Variants in NHSL1 observed in about 807,000 individuals in gnomAD.
NHSL1 encodes NHS like 1, also known as NHS-like protein 1.
NHSL1 carries 48 observed loss-of-function variants against 95.0 expected under a neutral mutation model. The ratio of observed to expected loss-of-function variants is 0.51; its 90% confidence interval spans 0.40 to 0.64. The LOEUF (loss-of-function observed/expected upper bound fraction) is 0.64, where lower values mean the gene tolerates loss of function less well. NHSL1 is among the 30% of genes least tolerant of loss of function. NHSL1 has a pLI of 0.00. For synonymous variants in NHSL1, 783 were observed against 833.9 expected, an observed-to-expected ratio of 0.94 and a Z score of 1.05; for missense variants, 1,971 against 2,077.7, an observed-to-expected ratio of 0.95 and a Z score of 1.00.
chr6:138,552,704 C>A (rs1488615266), intron 1 of NHSL1, among the ~76,000 whole-genome samples: 2 of 152,130 alleles, frequency 1.3e-5, no homozygotes, highest in Non-Finnish European at 2.9e-5. Context: ...TTGACCTGGG[C>A]TCTTGGCTTA....
Position 138,630,332 on chromosome 6 carries a change from G to T in NHSL1, c.96+62144C>A, listed in dbSNP as rs181113080. 4.6e-3 allele frequency among the ~76,000 whole-genome samples: 695 copies of T among 152,130 alleles called. 5 individuals are homozygous for T. Among genetic ancestry groups the T allele is most frequent in the African/African-American group, 0.016 (652 of 41,482 alleles). ...ACCCTTGGATGAATATCTAAATGTG[G>T]TTTTTTTCAATATGCTTTAAAGGAA... On this transcript the variant is annotated intron_variant, in intron 1 of 3. Coordinates refer to the NHSL1 transcript ENST00000491526.
At chr6:138,473,481 A>ACTC in intron 2 of NHSL1, 48 bp from the exon 3 acceptor site, 1 of 1,355,554 alleles carries the variant, frequency 7.4e-7, no homozygotes, top group South Asian at 2.1e-5. Context: ...AAAAAGCTGT[A>ACTC]CTCCTCTTTA....
intron 1 of NHSL1, among the ~76,000 whole-genome samples, chr6:138,615,155 G>T (rs1317506036): frequency 6.6e-6 from 1 of 152,330 alleles, no homozygotes; most frequent in African/African-American, 2.4e-5. Context: ...AGCAGGGCGT[G>T]AGCCAGGTCA....
rs1311836868 is a variant in NHSL1, at chr6:138,433,158, A to G, written c.1187T>C (p.Met396Thr). 9.0e-6 allele frequency: 14 copies of G among 1,551,288 alleles called. No individual in the cohort carries two copies. Among genetic ancestry groups the G allele is most frequent in the African/African-American group, 1.4e-5 (1 of 73,034 alleles). Reference protein sequence around the residue: ...ELRHFESENIMSPACVVSPHA... With the variant: ...ELRHFESENITSPACVVSPHA... Reference sequence around the variant, plus strand: ...AGGAGAAACCACACACGCTGGGCTCATTATATTTTCACTCTCGAAGTGTCT... The same window carrying G: ...AGGAGAAACCACACACGCTGGGCTCGTTATATTTTCACTCTCGAAGTGTCT... The change falls in exon 6 of 8, where the codon ATG becomes ACG. Residue 396 changes from methionine (M) to threonine (T), a missense_variant. Physicochemically the swap from Met to Thr is moderately conservative, Grantham distance 81. Transcript: ENST00000343505.
chr6:138,687,844 G>A (rs1785605757), intron 1 of NHSL1, among the ~76,000 whole-genome samples: 1 of 147,698 alleles, frequency 6.8e-6, no homozygotes, highest in South Asian at 2.1e-4. Flanking sequence ...CAGGAAATGG[G>A]GAATAACTAG....
intron 2 of NHSL1, among the ~76,000 whole-genome samples, chr6:138,481,940 G>C (rs1485465613): frequency 6.6e-6 from 1 of 152,122 alleles, no homozygotes; most frequent in Non-Finnish European, 1.5e-5. Flanking sequence ...TGTCTTTAAC[G>C]AGTAAGCCCA....
chr6:138,677,833 G>C (rs1385145876), intron 1 of NHSL1, among the ~76,000 whole-genome samples: 2 of 152,228 alleles, frequency 1.3e-5, no homozygotes, highest in South Asian at 4.1e-4. Context: ...TTCTGATTTA[G>C]TAGGTCTGTG....
At chr6:138,663,003 A>C (rs1785245567) in intron 1 of NHSL1, among the ~76,000 whole-genome samples, 1 of 151,578 alleles carries the variant, frequency 6.6e-6, no homozygotes, top group Non-Finnish European at 1.5e-5. Flanking sequence ...ATCCATTTTC[A>C]GGAAATAATA....
chr6:138,493,471 A>C (rs1313412889), intron 2 of NHSL1, among the ~76,000 whole-genome samples: 1 of 152,272 alleles, frequency 6.6e-6, no homozygotes, highest in Non-Finnish European at 1.5e-5. Context: ...AGAAAAGTCA[A>C]GTCCTGATCT....
chr6:138,436,969 T>G (rs1274416851), intron 5 of NHSL1, among the ~76,000 whole-genome samples: 1 of 152,130 alleles, frequency 6.6e-6, no homozygotes, highest in Non-Finnish European at 1.5e-5. Flanking sequence ...AAAAGATTTC[T>G]TTCATTTACA....
rs56326954 is a variant in NHSL1 at position 138,423,815 on chromosome 6, CAAAAAAAAAAAA to C, written c.*254_*265del. 3 of 139,142 alleles carry C rather than the reference CAAAAAAAAAAAA, an allele frequency of 2.2e-5. No homozygotes were observed. Among genetic ancestry groups the C allele is most frequent in the African/African-American group, 3.8e-5 (1 of 26,518 alleles). 8.6% of individuals were successfully genotyped at this position (139,142 alleles called of 1,614,324 possible). On this transcript the variant is annotated 3_prime_UTR_variant, in exon 8 of 8. Coordinates refer to ENST00000343505, the MANE Select transcript of NHSL1 (RefSeq NM_001144060.2). ...GCACACATACACACCCAGCATTTAG[CAAAAAAAAAAAA>C]AAAAAAAAAAAATCTTCCCCGGGAA...
chr6:138,496,332 T>C lies in NHSL1; in HGVS notation c.98A>G (p.His33Arg). 3 of 1,550,568 alleles carry C rather than the reference T, an allele frequency of 1.9e-6. No individual in the cohort carries two copies. Among genetic ancestry groups the C allele is most frequent in the Non-Finnish European group, 2.6e-6 (3 of 1,146,890 alleles). Reference sequence around the variant, plus strand: ...CTGCTGGTGCCACGGGGCAGTGTAGTGGACTGTCCATCGGCTTTCCTCATC... The same window carrying C: ...CTGCTGGTGCCACGGGGCAGTGTAGCGGACTGTCCATCGGCTTTCCTCATC... ...NLDEESRWTV[H>R]YTAPWHQQEN... Residue 33 changes from histidine to arginine, a missense_variant, in exon 2 of 8, where the codon CAC becomes CGC. Physicochemically the swap from His to Arg is conservative, Grantham distance 29. Around this residue, in one of 3 missense-constraint regions of NHSL1, gnomAD observed 1,602 missense variants for 1,654.5 expected, o/e 0.97. Transcript: ENST00000343505.
At chr6:138,581,156 A>G (rs1252388579) in intron 1 of NHSL1, among the ~76,000 whole-genome samples, 2 of 152,344 alleles carry the variant, frequency 1.3e-5, no homozygotes, top group East Asian at 3.9e-4. Context: ...TGGTTTTTAG[A>G]GCAGCCGTAG....
At chr6:138,568,535 A>C (rs1037644921) in intron 1 of NHSL1, among the ~76,000 whole-genome samples, 1 of 152,224 alleles carries the variant, frequency 6.6e-6, no homozygotes, top group African/African-American at 2.4e-5. Context: ...GTCATATCAT[A>C]CTAGGAATAT....
At chr6:138,672,304 T>C (rs1785383208) in intron 1 of NHSL1, among the ~76,000 whole-genome samples, 1 of 152,148 alleles carries the variant, frequency 6.6e-6, no homozygotes, top group Admixed American at 6.5e-5. Flanking sequence ...CTAAGGAGAA[T>C]ACATTATTTT....
intron 1 of NHSL1, among the ~76,000 whole-genome samples, chr6:138,553,280 G>T (rs962808460): frequency 6.6e-6 from 1 of 152,052 alleles, no homozygotes; most frequent in Admixed American, 6.5e-5. Context: ...TCAGGCTATT[G>T]CCTCCTTTGT....
At chr6:138,625,252 C>T (rs191289587) in intron 1 of NHSL1, among the ~76,000 whole-genome samples, 1 of 152,202 alleles carries the variant, frequency 6.6e-6, no homozygotes, top group African/African-American at 2.4e-5. Context: ...AAGCGGTTCT[C>T]GTGCCTCAGC....
intron 1 of NHSL1, among the ~76,000 whole-genome samples, chr6:138,589,997 T>C (rs1784200600): frequency 7.5e-6 from 1 of 132,562 alleles, no homozygotes; most frequent in Admixed American, 6.9e-5. Context: ...ATTTCTACTC[T>C]TTTATTTTAT....
intron 1 of NHSL1, among the ~76,000 whole-genome samples, chr6:138,651,588 A>T (rs1294693681): frequency 6.6e-6 from 1 of 152,214 alleles, no homozygotes; most frequent in African/African-American, 2.4e-5. Context: ...ACGGAAAGGA[A>T]TGTTTTCCAA....
Sources: allele counts gnomAD v4.1 joint callset (sites outside exome capture counted in the v4.1 genomes callset), GRCh38; gene constraint gnomAD v4.1.1; regional missense constraint gnomAD v4.1.1; transcripts MANE v1.5; gene names NCBI Gene and HGNC (gene_info 2026-07-23, HGNC 2026-07-21).